COL11A2: variants seen among roughly 807,000 people sequenced by gnomAD.
COL11A2 encodes collagen alpha-2(XI) chain.
In COL11A2, 116 loss-of-function variants were observed where a neutral mutation model predicts 273.4. That is an observed-to-expected ratio of 0.42 (90% CI 0.36 to 0.49). The LOEUF (loss-of-function observed/expected upper bound fraction) is 0.49. Among genes scored for constraint, COL11A2 ranks in the 20% least tolerant of loss-of-function variants. The pLI, the probability that COL11A2 is intolerant of heterozygous loss-of-function variation, is 0.00. For missense variants in COL11A2, 1,866 were observed against 2,309.0 expected (o/e 0.81, Z 3.93); for synonymous variants, 782 against 864.2 (o/e 0.90, Z 1.67).
At position 33,178,089 on chromosome 6, in the gene COL11A2, G is replaced by T; in HGVS notation, c.1872+43C>A. On this transcript the variant is annotated intron_variant, in intron 21 of 65. Transcript: ENST00000341947. This position sits in a 1 kb window ranked among gnomAD's most constrained non-coding sequence, Gnocchi z 4.6. ...GCTAGAAAGGTGGAGAGTTGGAGAG[G>T]TCAAGGGGTCACCTCAGGGTCAGAA... 3 of 1,588,476 alleles carry T rather than the reference G, an allele frequency of 1.9e-6. No homozygotes were observed. Among genetic ancestry groups the T allele is most frequent in the Middle Eastern group, 1.7e-4 (1 of 5,950 alleles).
chr6:33,169,410 T>G lies in COL11A2; in HGVS notation c.3771A>C (p.Thr1257=). The G allele has an allele frequency of 6.2e-7, 1 of 1,612,900 alleles. No homozygotes were observed. Among genetic ancestry groups the G allele is most frequent in the South Asian group, 1.1e-5 (1 of 91,080 alleles). ...EPGPPGPKGP[T]GDDGPKGNPG... is the part of the protein sequence containing the mutation. ...GGTTCCCTTTGGGGCCATCATCGCC[T>G]GTGGGGCCTTTAGGCCCTGGTGGCC... is the stretch of plus-strand genomic sequence containing the variant. The change falls in exon 51 of 66, where the codon ACA becomes ACC. Residue 1257 remains threonine, a synonymous_variant. Coordinates refer to ENST00000341947, the MANE Select transcript of COL11A2 (RefSeq NM_080680.3). The surrounding 1 kb of genome is among the most constrained non-coding windows in gnomAD (Gnocchi z 5.5).
At chr6:33,193,471 C>T (rs1157050772), upstream of COL11A2, 3 of 148,802 alleles carry the variant, frequency 2.0e-5, no homozygotes, top group East Asian at 6.1e-4. Flanking sequence ...CCTGCGTGCA[C>T]CTCTTGGGCC....
chr6:33,171,861 AGC>A, intron 41 of COL11A2, 41 bp from the exon 42 acceptor site: 1 of 1,602,938 alleles, frequency 6.2e-7, no homozygotes, highest in Non-Finnish European at 8.5e-7. Flanking sequence ...AGGAGACACC[AGC>A]CCGCCCATAC....
At chr6:33,185,679 T>G (rs761384353) in intron 6 of COL11A2, 22 bp downstream of exon 6, 1 of 1,274,948 alleles carries the variant, frequency 7.8e-7, no homozygotes, top group Non-Finnish European at 1.1e-6. Context: ...AGGGAAGAAA[T>G]GAAGGGGTCC....
In COL11A2 at chr6:33,190,998, T is replaced by C. The variant is rs1773043156; in HGVS notation, c.82+1161A>G. 1.3e-5 allele frequency among the ~76,000 whole-genome samples: 2 copies of C among 152,000 alleles called. No homozygotes were observed. The highest frequency in any genetic ancestry group is 1.3e-4 in the Admixed American group (2 of 15,264). ...CCCCATTACCCTCCACCACTCTACC[T>C]CTGGCCCCCCAAATGCCTTATTCTC... On this transcript the variant is annotated intron_variant, in intron 1 of 65. Coordinates refer to ENST00000341947, the MANE Select transcript of COL11A2 (RefSeq NM_080680.3). This position sits in a 1 kb window ranked among gnomAD's most constrained non-coding sequence, Gnocchi z 4.5.
In COL11A2 at chr6:33,173,235, C is replaced by T; in HGVS notation, c.2736+113G>A. ...CCTGGGCCCTGGGTCTGAGCAGCAC[C>T]AGGGCAGGCTCCACTCTGCCAGGAG... On this transcript the variant is annotated intron_variant, in intron 37 of 65. Coordinates refer to ENST00000341947, the MANE Select transcript of COL11A2 (RefSeq NM_080680.3). The surrounding 1 kb of genome is among the most constrained non-coding windows in gnomAD (Gnocchi z 6.3). 3.2e-6 allele frequency: 5 copies of T among 1,538,626 alleles called. No homozygotes were observed. The highest frequency in any genetic ancestry group is 4.4e-6 in the Non-Finnish European group (5 of 1,124,880).
Position 33,164,809 on chromosome 6 carries a change from G to C in COL11A2, c.4863+43C>G. 1 of 1,502,518 alleles carries C rather than the reference G, an allele frequency of 6.7e-7. No individual in the cohort carries two copies. The highest frequency in any genetic ancestry group is 9.1e-7 in the Non-Finnish European group (1 of 1,104,476). 93.1% of individuals were successfully genotyped at this position (1,502,518 alleles called of 1,614,324 possible). A position where few individuals can be genotyped will look rare whatever the true frequency, so the allele number is the denominator to read the frequency against. ...AGAAACCACTAAGCCCTGAGGGGGTGCACTATGGGGCAGGGGAGGGGCAGC... is the reference window on the plus strand; with the variant it reads ...AGAAACCACTAAGCCCTGAGGGGGTCCACTATGGGGCAGGGGAGGGGCAGC... On this transcript the variant is annotated intron_variant, in intron 64 of 65. Transcript: ENST00000341947. The surrounding 1 kb of genome is among the most constrained non-coding windows in gnomAD (Gnocchi z 4.7).
chr6:33,164,957 G>C lies in COL11A2; in HGVS notation c.4758C>G (p.Tyr1586Ter). ...CACAGCCCTGGTTGGGGTCGACCCA[G>C]TACTCTCCTGTTGGGTGAGGGAGAG... ...LCHPELPDGE[Y>*]WVDPNQGCAR... The change falls in exon 64 of 66, where the codon TAC becomes TAG. Residue 1586 changes from tyrosine to a stop codon, truncating the protein, a stop_gained. Transcript: ENST00000341947. LOFTEE classifies it high-confidence loss of function. This position sits in a 1 kb window ranked among gnomAD's most constrained non-coding sequence, Gnocchi z 4.7. 1.3e-6 allele frequency: 2 copies of C among 1,572,302 alleles called. No individual in the cohort carries two copies. Among genetic ancestry groups the C allele is most frequent in the Non-Finnish European group, 1.7e-6 (2 of 1,157,422 alleles).
In COL11A2 at chr6:33,170,743, A is replaced by G. The variant is rs2150542295; in HGVS notation, c.3474+67T>C. On this transcript the variant is annotated intron_variant, in intron 46 of 65. Transcript: ENST00000341947. The surrounding 1 kb of genome is among the most constrained non-coding windows in gnomAD (Gnocchi z 4.3). ...GTCTGCATCGGCAGGCTGCTGGCAGAGTCTGGGGCAAAACATCACCCCATC... is the reference window on the plus strand; with the variant it reads ...GTCTGCATCGGCAGGCTGCTGGCAGGGTCTGGGGCAAAACATCACCCCATC... The G allele has an allele frequency of 6.3e-7, 1 of 1,593,240 alleles. No individual in the cohort carries two copies. Among genetic ancestry groups the G allele is most frequent in the Non-Finnish European group, 8.6e-7 (1 of 1,162,184 alleles).
chr6:33,178,900 G>A lies in COL11A2; in HGVS notation c.1665+20C>T. On this transcript the variant is annotated intron_variant, in intron 17 of 65. Transcript: ENST00000341947. This position sits in a 1 kb window ranked among gnomAD's most constrained non-coding sequence, Gnocchi z 4.6. ...TGGGCTGAAGGCTACAGGCTTCAGG[G>A]AGGGGCCCAAGCCTGTTACCTTCAC... 1 of 1,613,738 alleles carries A rather than the reference G, an allele frequency of 6.2e-7. No individual in the cohort carries two copies.
rs1770377974 is a variant in COL11A2 at position 33,173,190 on chromosome 6, CA to C, written c.2737-78del. 1 of 1,556,168 alleles carries C rather than the reference CA, an allele frequency of 6.4e-7. No homozygotes were observed. The highest frequency in any genetic ancestry group is 1.4e-5 in the African/African-American group (1 of 73,650). On this transcript the variant is annotated intron_variant, in intron 37 of 65. Coordinates refer to ENST00000341947, the MANE Select transcript of COL11A2 (RefSeq NM_080680.3). The surrounding 1 kb of genome is among the most constrained non-coding windows in gnomAD (Gnocchi z 6.3). The stretch of plus-strand genomic sequence containing the variant: ...GGCAGATTCCCAGGAGGAAGGATCC[CA>C]GGCAGGATCACACCAAGCCCTGGGC...
Position 33,189,585 on chromosome 6 carries a change from G to A in COL11A2, c.83-116C>T, listed in dbSNP as rs1308403317. ...GGCTCAAACTCCCTGCAAGGGAAAG[G>A]TCACCTCACCCTCACTTGCTTCTGA... On this transcript the variant is annotated intron_variant, in intron 1 of 65. Coordinates refer to ENST00000341947, the MANE Select transcript of COL11A2 (RefSeq NM_080680.3). The surrounding 1 kb of genome is among the most constrained non-coding windows in gnomAD (Gnocchi z 5.6). 2.2e-6 allele frequency: 3 copies of A among 1,340,414 alleles called. No homozygotes were observed. Among genetic ancestry groups the A allele is most frequent in the African/African-American group, 2.9e-5 (2 of 69,120 alleles). 83.0% of individuals were successfully genotyped at this position (1,340,414 alleles called of 1,614,324 possible). A position where few individuals can be genotyped will look rare whatever the true frequency, so the allele number is the denominator to read the frequency against.
In COL11A2 at chr6:33,165,688, A is replaced by T. The variant is rs780309318; in HGVS notation, c.4611T>A (p.Pro1537=). ...AIPTGGAPGS[P]GGLEEIFGSL... Reference sequence around the variant, plus strand: ...AGCCAAAGATCTCCTCCAGCCCCCCAGGACTGCCGGGGGCTCCCCCGGTCG... The same window carrying T: ...AGCCAAAGATCTCCTCCAGCCCCCCTGGACTGCCGGGGGCTCCCCCGGTCG... The change falls in exon 63 of 66, where the codon CCT becomes CCA. Residue 1537 remains proline, a synonymous_variant. Transcript: ENST00000341947. This position sits in a 1 kb window ranked among gnomAD's most constrained non-coding sequence, Gnocchi z 7.7. 1 of 1,611,372 alleles carries T rather than the reference A, an allele frequency of 6.2e-7. No homozygotes were observed. The highest frequency in any genetic ancestry group is 8.5e-7 in the Non-Finnish European group (1 of 1,179,928).
At position 33,178,132 on chromosome 6, in the gene COL11A2, A is replaced by AG. The variant is rs1455983505; in HGVS notation, c.1871dup (p.Gly625TrpfsTer111). The stretch of plus-strand genomic sequence containing the variant: ...GGTCAGAAGTCAGGGAGTCACTTAC[A>AG]GGGGGTCCAGGAATACCAGGTGGGC... On this transcript the variant is annotated frameshift_variant and splice_region_variant, in exon 21 of 66. Transcript: ENST00000341947. LOFTEE classifies it high-confidence loss of function. The surrounding 1 kb of genome is among the most constrained non-coding windows in gnomAD (Gnocchi z 4.6). The AG allele has an allele frequency of 6.2e-7, 1 of 1,608,584 alleles. No homozygotes were observed. The highest frequency in any genetic ancestry group is 2.2e-5 in the East Asian group (1 of 44,758).
rs1252265149 is a variant in COL11A2 at position 33,189,825 on chromosome 6, C to T, written c.83-356G>A. ...GTCTCCTGTCTCTCTCACTCTCTTACTCTCTCTGTCTCTTTATGTTGGTCT... is the reference window on the plus strand; with the variant it reads ...GTCTCCTGTCTCTCTCACTCTCTTATTCTCTCTGTCTCTTTATGTTGGTCT... On this transcript the variant is annotated intron_variant, in intron 1 of 65. Coordinates refer to ENST00000341947, the MANE Select transcript of COL11A2 (RefSeq NM_080680.3). This position sits in a 1 kb window ranked among gnomAD's most constrained non-coding sequence, Gnocchi z 5.6. 2.0e-5 allele frequency among the ~76,000 whole-genome samples: 3 copies of T among 152,166 alleles called. No individual in the cohort carries two copies. Among genetic ancestry groups the T allele is most frequent in the Non-Finnish European group, 2.9e-5 (2 of 68,036 alleles).
chr6:33,164,168 C>T lies in COL11A2; in HGVS notation c.5070+99G>A. The T allele has an allele frequency of 2.9e-6, 4 of 1,376,366 alleles. No homozygotes were observed. Among genetic ancestry groups the T allele is most frequent in the Non-Finnish European group, 4.0e-6 (4 of 1,000,298 alleles). The allele number at this position is 1,376,366 out of a possible 1,614,324, so 85.3% of individuals were successfully genotyped here. The stretch of plus-strand genomic sequence containing the variant: ...TGACAATCCAGCAGGACGGACTCCT[C>T]CCTGCTCCCCCTGGGTGCCCTGCCC... On this transcript the variant is annotated intron_variant, in intron 65 of 65. Coordinates refer to ENST00000341947, the MANE Select transcript of COL11A2 (RefSeq NM_080680.3). The surrounding 1 kb of genome is among the most constrained non-coding windows in gnomAD (Gnocchi z 4.7).
In COL11A2 at chr6:33,164,978, G is replaced by C; in HGVS notation, c.4751-14C>G. On this transcript the variant is annotated splice_polypyrimidine_tract_variant and intron_variant, in intron 63 of 65. Transcript: ENST00000341947. This position sits in a 1 kb window ranked among gnomAD's most constrained non-coding sequence, Gnocchi z 4.7. ...CCCAGTACTCTCCTGTTGGGTGAGG[G>C]AGAGGGGAGGTCAGGGCCACCTAGG... 3.8e-6 allele frequency: 6 copies of C among 1,560,062 alleles called. No homozygotes were observed. Among genetic ancestry groups the C allele is most frequent in the Non-Finnish European group, 5.2e-6 (6 of 1,150,284 alleles).
Position 33,166,075 on chromosome 6 carries a change from T to C in COL11A2, c.4429-91A>G, listed in dbSNP as rs1769087321. On this transcript the variant is annotated intron_variant, in intron 61 of 65. Coordinates refer to ENST00000341947, the MANE Select transcript of COL11A2 (RefSeq NM_080680.3). This position sits in a 1 kb window ranked among gnomAD's most constrained non-coding sequence, Gnocchi z 4.8. Reference sequence around the variant, plus strand: ...GATCAAATCAGCCTCCTGGCTGGAATAAGGGGCTCCTTGGGGGGAGTCTAT... The same window carrying C: ...GATCAAATCAGCCTCCTGGCTGGAACAAGGGGCTCCTTGGGGGGAGTCTAT... 6.2e-7 allele frequency: 1 copy of C among 1,605,160 alleles called. No homozygotes were observed. Among genetic ancestry groups the C allele is most frequent in the African/African-American group, 1.3e-5 (1 of 74,762 alleles).
upstream of COL11A2, chr6:33,192,513 C>CCCGGCCCGGCCCCCGCCT (rs2150639700): frequency 3.8e-6 from 2 of 532,964 alleles, no homozygotes; most frequent in East Asian, 6.7e-5. Flanking sequence ...CGCCCCCGCC[C>CCCGGCCCGGCCCCCGCCT]CCGGCCCGGC....
Sources: allele counts gnomAD v4.1 joint callset (sites outside exome capture counted in the v4.1 genomes callset), GRCh38; gene constraint gnomAD v4.1.1; non-coding constraint Gnocchi (gnomAD v3.1); transcripts MANE v1.5; gene names NCBI Gene and HGNC (gene_info 2026-07-23, HGNC 2026-07-21).